ADARB2: variants seen among roughly 807,000 people sequenced by gnomAD.
ADARB2 encodes the protein adenosine deaminase RNA specific B2 (inactive), also known as inactive double-stranded RNA-specific editase B2.
ADARB2 carries 25 observed loss-of-function variants against 62.2 expected under a neutral mutation model. The observed-to-expected ratio is 0.40, with a 90% confidence interval of 0.29 to 0.56. The LOEUF (loss-of-function observed/expected upper bound fraction) is 0.56. Among genes scored for constraint, ADARB2 ranks in the 20% least tolerant of loss-of-function variants. The probability of loss-of-function intolerance (pLI) is 0.43; values close to 1 mark genes in which losing one functional copy is unlikely to be tolerated. For missense variants in ADARB2, 1,071 were observed against 1,077.4 expected (o/e 0.99, Z 0.08); for synonymous variants, 572 against 500.8 (o/e 1.14, Z -1.90).
At position 1,363,905 on chromosome 10, in the gene ADARB2, G is replaced by A. The variant is rs1832288928; in HGVS notation, c.200C>T (p.Ala67Val). 2.0e-6 allele frequency: 3 copies of A among 1,472,354 alleles called. No individual in the cohort carries two copies. Among genetic ancestry groups the A allele is most frequent in the Non-Finnish European group, 2.7e-6 (3 of 1,123,242 alleles). The allele number at this position is 1,472,354 out of a possible 1,614,324, so 91.2% of individuals were successfully genotyped here. Residue 67 changes from alanine to valine, a missense_variant, in exon 3 of 10, where the codon GCG (alanine) becomes GTG (valine). Physicochemically the swap from Ala to Val is moderately conservative, Grantham distance 64. Transcript: ENST00000381312. ...EDDDTLSTSSAEVKENRNVGN... is the reference protein window; with the variant it reads ...EDDDTLSTSSVEVKENRNVGN... ...CACGTTGCGGTTCTCCTTCACCTCCGCGCTGCTGGTACCTGGAGGGGAGAA... is the reference window on the plus strand; with the variant it reads ...CACGTTGCGGTTCTCCTTCACCTCCACGCTGCTGGTACCTGGAGGGGAGAA...
intron 1 of ADARB2, among the ~76,000 whole-genome samples, chr10:1,455,472 G>A (rs1452913061): frequency 6.6e-6 from 1 of 152,040 alleles, no homozygotes; most frequent in Non-Finnish European, 1.5e-5. Context: ...TAAAAAAAAA[G>A]AGAAAACAGA....
chr10:1,681,570 ATTGT>A (rs148863900), intron 1 of ADARB2, among the ~76,000 whole-genome samples: 9 of 152,040 alleles, frequency 5.9e-5, no homozygotes, highest in East Asian at 5.8e-4. Context: ...ACTCTGGCAA[ATTGT>A]TTGGCCTCAG....
intron 1 of ADARB2, among the ~76,000 whole-genome samples, chr10:1,587,516 A>T (rs962372701): frequency 1.3e-5 from 2 of 151,982 alleles, no homozygotes; most frequent in Non-Finnish European, 2.9e-5. Flanking sequence ...GAATATGGTT[A>T]TGCATTTGGT....
intron 2 of ADARB2, among the ~76,000 whole-genome samples, chr10:1,368,904 G>A (rs36139250): frequency 0.1 from 2,014 of 20,184 alleles, 50 homozygotes; most frequent in Middle Eastern, 0.28. Context: ...TGAGGGTGGG[G>A]GCCGAGCTTG....
At chr10:1,553,093 C>T (rs1240804909) in intron 1 of ADARB2, among the ~76,000 whole-genome samples, 2 of 147,358 alleles carry the variant, frequency 1.4e-5, no homozygotes, top group Non-Finnish European at 1.5e-5. Flanking sequence ...GGGAGCACCG[C>T]GTCCTCGCAG....
intron 3 of ADARB2, among the ~76,000 whole-genome samples, chr10:1,359,652 G>T (rs1832232105): frequency 6.6e-6 from 1 of 152,128 alleles, no homozygotes; most frequent in Non-Finnish European, 1.5e-5. Flanking sequence ...ACTATTGCAG[G>T]TCTCCGAGGG....
chr10:1,184,601 G>A (rs547139376), intron 9 of ADARB2, among the ~76,000 whole-genome samples: 6 of 152,350 alleles, frequency 3.9e-5, no homozygotes, highest in South Asian at 2.1e-4. Context: ...TGCCGGCTCC[G>A]TCAGGGGTTC....
intron 1 of ADARB2, among the ~76,000 whole-genome samples, chr10:1,587,339 G>C (rs1246143993): frequency 6.6e-6 from 1 of 152,200 alleles, no homozygotes; most frequent in Non-Finnish European, 1.5e-5. Context: ...AAAGGGGAAC[G>C]GCTGAGGTTC....
intron 1 of ADARB2, among the ~76,000 whole-genome samples, chr10:1,677,789 C>T (rs1006937935): frequency 6.6e-6 from 1 of 152,226 alleles, no homozygotes; most frequent in Non-Finnish European, 1.5e-5. Context: ...AGGCTGAACT[C>T]GGCAAGGCTG....
intron 1 of ADARB2, among the ~76,000 whole-genome samples, chr10:1,471,031 C>G (rs550630516): frequency 1.3e-5 from 2 of 152,152 alleles, no homozygotes; most frequent in African/African-American, 4.8e-5. Context: ...TGCACTCCAG[C>G]CTGGGCAACA....
At chr10:1,721,394 T>G (rs965227982) in intron 1 of ADARB2, among the ~76,000 whole-genome samples, 2 of 152,230 alleles carry the variant, frequency 1.3e-5, no homozygotes, top group African/African-American at 4.8e-5. Context: ...AAGTACCACC[T>G]TACTGTCAGC....
At chr10:1,411,444 A>G (rs2131879470) in intron 1 of ADARB2, among the ~76,000 whole-genome samples, 1 of 152,384 alleles carries the variant, frequency 6.6e-6, no homozygotes, top group African/African-American at 2.4e-5. Context: ...CAGGGCTTCC[A>G]GAAGCAATGT....
intron 1 of ADARB2, among the ~76,000 whole-genome samples, chr10:1,439,747 C>T (rs11250519): frequency 0.086 from 11,000 of 127,872 alleles, 1,738 homozygotes; most frequent in African/African-American, 0.22. Flanking sequence ...GAGGCAGGTC[C>T]TTCATCATGG....
chr10:1,206,900 C>T (rs1010056522), intron 7 of ADARB2, among the ~76,000 whole-genome samples: 15 of 152,230 alleles, frequency 9.9e-5, no homozygotes, highest in Admixed American at 3.9e-4. Context: ...AGGAACTGGG[C>T]TCTGGTCTCA....
At chr10:1,674,177 C>T (rs1834430980) in intron 1 of ADARB2, among the ~76,000 whole-genome samples, 1 of 152,182 alleles carries the variant, frequency 6.6e-6, no homozygotes. Flanking sequence ...GTAATGTGTG[C>T]ACCTTCTCTA....
chr10:1,561,308 C>A (rs112423377), intron 1 of ADARB2, among the ~76,000 whole-genome samples: 3 of 152,198 alleles, frequency 2.0e-5, no homozygotes, highest in African/African-American at 7.2e-5. Flanking sequence ...TAGACCCAGA[C>A]AACTTGTGCT....
At chr10:1,309,435 G>GT (rs1002217537) in intron 3 of ADARB2, among the ~76,000 whole-genome samples, 4 of 152,224 alleles carry the variant, frequency 2.6e-5, no homozygotes, top group African/African-American at 9.6e-5. Context: ...CACGAGGCCT[G>GT]TCTAGTGGGC....
At position 1,227,100 on chromosome 10, in the gene ADARB2, G is replaced by A. The variant is rs185132393; in HGVS notation, c.1513+6594C>T. 1.6e-3 allele frequency among the ~76,000 whole-genome samples: 244 copies of A among 152,310 alleles called. 1 individual carries two copies. The highest frequency in any genetic ancestry group is 4.8e-3 in the African/African-American group (200 of 41,576). Reference sequence around the variant, plus strand: ...GTTTATCTAATCAAACAACTAACTCGGCAATGGCGGGCGCCCCTCCCCCAG... The same window carrying A: ...GTTTATCTAATCAAACAACTAACTCAGCAATGGCGGGCGCCCCTCCCCCAG... On this transcript the variant is annotated intron_variant, in intron 6 of 9. Transcript: ENST00000381312.
chr10:1,205,257 C>T lies in ADARB2; in HGVS notation c.1683-5110G>A, dbSNP rs1337674205. 2.2e-5 allele frequency among the ~76,000 whole-genome samples: 3 copies of T among 137,604 alleles called. No homozygotes were observed. The East Asian group carries it at 7.3e-4, about 34-fold the overall frequency. The allele number at this position is 137,604 out of a possible 152,430, so 90.3% of individuals were successfully genotyped here. On this transcript the variant is annotated intron_variant, in intron 7 of 9. Coordinates refer to ENST00000381312, the MANE Select transcript of ADARB2 (RefSeq NM_018702.4). ...GGGAGGGCTTGGGAGTACACGAGGG[C>T]CTTGTTGTTTTAGGGCCACCTAAAA...
Sources: allele counts gnomAD v4.1 joint callset (sites outside exome capture counted in the v4.1 genomes callset), GRCh38; gene constraint gnomAD v4.1.1; transcripts MANE v1.5; gene names NCBI Gene and HGNC (gene_info 2026-07-23, HGNC 2026-07-21).